Variants in PBLD observed in about 807,000 individuals in gnomAD.
The protein encoded by PBLD is phenazine biosynthesis-like domain-containing protein.
In PBLD, 26 loss-of-function variants were observed where a neutral mutation model predicts 31.3. That is an observed-to-expected ratio of 0.83 (90% CI 0.61 to 1.15). The LOEUF (loss-of-function observed/expected upper bound fraction) is 1.15, where lower values mean the gene tolerates loss of function less well. Among genes scored for constraint, PBLD ranks in the 50% most tolerant of loss-of-function variants. The pLI is 0.00. For synonymous variants in PBLD, 114 were observed against 129.0 expected (o/e 0.88, Z 0.79); for missense variants, 307 against 351.7 (o/e 0.87, Z 1.02).
At chr10:68,302,654 G>A (rs551118425) in intron 2 of PBLD, among the ~76,000 whole-genome samples, 2 of 151,972 alleles carry the variant, frequency 1.3e-5, no homozygotes, top group East Asian at 1.9e-4. Flanking sequence ...ACCAGCCTGG[G>A]CAACATAGCA....
At position 68,327,009 on chromosome 10, in the gene PBLD, T is replaced by C. The variant is rs1030835113; in HGVS notation, c.-60+5775A>G. ...TTGCAGTGAGCTGAGATCGCGCCAC[T>C]GCACTCCAGTCTGGCGACAGAGCGA... On this transcript the variant is annotated intron_variant, in intron 1 of 9. Coordinates refer to ENST00000358769, the MANE Select transcript of PBLD (RefSeq NM_022129.4). Among the ~76,000 whole-genome samples the C allele has an allele frequency of 1.6e-4, 24 of 152,082 alleles. No homozygotes were observed. The East Asian group carries it at 4.1e-3, about 26-fold the overall frequency.
At chr10:68,300,505 G>C (rs935865083) in intron 2 of PBLD, among the ~76,000 whole-genome samples, 4 of 152,150 alleles carry the variant, frequency 2.6e-5, no homozygotes, top group African/African-American at 9.7e-5. Flanking sequence ...ACAACTAAGG[G>C]GATTTGTTAG....
chr10:68,304,789 G>A (rs9804349), intron 2 of PBLD, among the ~76,000 whole-genome samples: 112,381 of 152,172 alleles, frequency 0.74, 42,391 homozygotes, highest in Middle Eastern at 0.84. Context: ...TTGACAAGCA[G>A]TTATAGTCAA....
chr10:68,319,826 A>ATT (rs1236252024), intron 1 of PBLD, among the ~76,000 whole-genome samples: 1 of 138,302 alleles, frequency 7.2e-6, no homozygotes, highest in Non-Finnish European at 1.5e-5. Flanking sequence ...ATTTTTATTT[A>ATT]TTTATTTTTT....
At chr10:68,289,663 T>TCACACACACACACACA (rs1183126379) in intron 6 of PBLD, among the ~76,000 whole-genome samples, 10,798 of 136,202 alleles carry the variant, frequency 0.079, 575 homozygotes, top group Non-Finnish European at 0.093. Context: ...AGGCCAAAGA[T>TCACACACACACACACA]CACACACACA....
At chr10:68,301,174 G>A (rs1482210688) in intron 2 of PBLD, among the ~76,000 whole-genome samples, 1 of 152,164 alleles carries the variant, frequency 6.6e-6, no homozygotes, top group Non-Finnish European at 1.5e-5. Flanking sequence ...GAGATTACAG[G>A]CATGAGCCAC....
At chr10:68,301,057 C>T (rs566671551) in intron 2 of PBLD, among the ~76,000 whole-genome samples, 2 of 151,976 alleles carry the variant, frequency 1.3e-5, no homozygotes, top group African/African-American at 4.8e-5. Context: ...CCACCATACC[C>T]GGCTGATTTT....
In PBLD at chr10:68,306,186, T is replaced by C. The variant is rs192034518; in HGVS notation, c.84+575A>G. 4.9e-3 allele frequency among the ~76,000 whole-genome samples: 733 copies of C among 149,888 alleles called. 6 individuals carry two copies. The highest frequency in any genetic ancestry group is 0.017 in the African/African-American group (697 of 41,468). ...TAATATTTAACTATTCCATTAATAT[T>C]TAACTATTCCATTAATATGTATCCT... is the stretch of plus-strand genomic sequence containing the variant. On this transcript the variant is annotated intron_variant, in intron 2 of 9. Coordinates refer to ENST00000358769, the MANE Select transcript of PBLD (RefSeq NM_022129.4).
chr10:68,328,901 G>A (rs920533021), intron 1 of PBLD, among the ~76,000 whole-genome samples: 27 of 152,190 alleles, frequency 1.8e-4, no homozygotes, highest in Admixed American at 1.3e-4. Flanking sequence ...GTTTTGAGAC[G>A]GAGTCTCGTT....
chr10:68,296,875 T>G lies in PBLD; in HGVS notation c.184+11A>C. ...CAGAACAGTTCTTAAAAAAAAAAAA[T>G]GCATATTTACTTTGTGCAAAGTTGT... is the stretch of plus-strand genomic sequence containing the variant. On this transcript the variant is annotated intron_variant, in intron 3 of 9. Transcript: ENST00000358769. 1.9e-6 allele frequency: 3 copies of G among 1,577,662 alleles called. No homozygotes were observed. The South Asian group carries it at 3.4e-5, about 18-fold the overall frequency.
chr10:68,323,305 T>G (rs1362613380), intron 1 of PBLD, among the ~76,000 whole-genome samples: 1 of 150,904 alleles, frequency 6.6e-6, no homozygotes, highest in Non-Finnish European at 1.5e-5. Context: ...CTCACGCCTG[T>G]AATCCCAGCA....
In PBLD at chr10:68,296,370, G is replaced by T. The variant is rs778569214; in HGVS notation, c.185-6C>A. ...TCTCAGTCCAAAGCAGGAACCTGAG[G>T]ATAGGAAAAGCCAAAGAGAGATGAG... On this transcript the variant is annotated splice_region_variant and splice_polypyrimidine_tract_variant and intron_variant, in intron 3 of 9. Transcript: ENST00000358769. 11 of 1,603,800 alleles carry T rather than the reference G, an allele frequency of 6.9e-6. No individual in the cohort carries two copies. Among genetic ancestry groups the T allele is most frequent in the Non-Finnish European group, 6.8e-6 (8 of 1,171,746 alleles).
chr10:68,291,629 C>T (rs540001808), intron 6 of PBLD, among the ~76,000 whole-genome samples: 1 of 152,208 alleles, frequency 6.6e-6, no homozygotes, highest in Non-Finnish European at 1.5e-5. Flanking sequence ...GCCCATTCCT[C>T]TCCTTCTAGC....
chr10:68,315,576 CAAAA>C (rs112264819), intron 1 of PBLD, among the ~76,000 whole-genome samples: 2 of 110,310 alleles, frequency 1.8e-5, no homozygotes, highest in African/African-American at 3.1e-5. Context: ...AGTCTGTCTC[CAAAA>C]AAAAAAAAAG....
intron 2 of PBLD, among the ~76,000 whole-genome samples, chr10:68,301,651 C>G (rs1435652793): frequency 6.6e-6 from 1 of 152,130 alleles, no homozygotes; most frequent in Admixed American, 6.5e-5. Flanking sequence ...GCGAAACTTC[C>G]TATCTTCGTC....
At chr10:68,328,367 C>G (rs1426084874) in intron 1 of PBLD, among the ~76,000 whole-genome samples, 1 of 152,174 alleles carries the variant, frequency 6.6e-6, no homozygotes, top group Non-Finnish European at 1.5e-5. Context: ...TTCCCTCCCC[C>G]CGAAGAGTGT....
intron 1 of PBLD, among the ~76,000 whole-genome samples, chr10:68,321,042 G>A (rs574767108): frequency 6.6e-6 from 1 of 151,840 alleles, no homozygotes; most frequent in South Asian, 2.1e-4. Flanking sequence ...GACTGGTCTG[G>A]AACTCCTGAC....
intron 1 of PBLD, among the ~76,000 whole-genome samples, chr10:68,315,755 A>C (rs936810299): frequency 2.0e-5 from 3 of 152,150 alleles, no homozygotes; most frequent in African/African-American, 7.2e-5. Context: ...CAGAAAGTGA[A>C]AGGTAAGGCA....
chr10:68,318,580 C>T (rs983346450), intron 1 of PBLD, among the ~76,000 whole-genome samples: 3 of 150,728 alleles, frequency 2.0e-5, no homozygotes, highest in Admixed American at 6.6e-5. Flanking sequence ...ATATTGATGC[C>T]CATAAAATGT....
Sources: allele counts gnomAD v4.1 joint callset (sites outside exome capture counted in the v4.1 genomes callset), GRCh38; gene constraint gnomAD v4.1.1; transcripts MANE v1.5; gene names NCBI Gene and HGNC (gene_info 2026-07-23, HGNC 2026-07-21).